Variants in PTPRR observed in about 807,000 individuals in gnomAD.
PTPRR encodes the protein receptor-type tyrosine-protein phosphatase R.
PTPRR carries 38 observed loss-of-function variants against 77.2 expected under a neutral mutation model. That is an observed-to-expected ratio of 0.49 (90% CI 0.38 to 0.65). The LOEUF (loss-of-function observed/expected upper bound fraction) is 0.65. Ranked by LOEUF, PTPRR falls within the 30% of genes least tolerant of loss-of-function variation. PTPRR has a pLI of 0.00. For synonymous variants in PTPRR, 299 were observed against 283.1 expected (o/e 1.06, Z -0.57); for missense variants, 744 against 799.2 (o/e 0.93, Z 0.83).
At chr12:70,747,220 C>T (rs1430745135) in intron 5 of PTPRR, among the ~76,000 whole-genome samples, 1 of 152,050 alleles carries the variant, frequency 6.6e-6, no homozygotes, top group African/African-American at 2.4e-5. Context: ...AAAACAAAAC[C>T]TGCACTAGAA....
chr12:70,660,468 T>G (rs2136672004), intron 12 of PTPRR, among the ~76,000 whole-genome samples: 1 of 152,280 alleles, frequency 6.6e-6, no homozygotes, highest in Non-Finnish European at 1.5e-5. Context: ...TTTCTGGAGA[T>G]AACTCTTAAA....
intron 4 of PTPRR, among the ~76,000 whole-genome samples, chr12:70,757,091 C>T (rs1444783966): frequency 6.6e-6 from 1 of 152,178 alleles, no homozygotes; most frequent in Admixed American, 6.5e-5. Flanking sequence ...GTCTCCTCAG[C>T]ACTGTATGGC....
intron 2 of PTPRR, among the ~76,000 whole-genome samples, chr12:70,771,439 G>C (rs1890974861): frequency 6.6e-6 from 1 of 152,054 alleles, no homozygotes; most frequent in Admixed American, 6.6e-5. Flanking sequence ...CTTAATGTGT[G>C]CTGTGCTCAC....
At chr12:70,665,197 C>G (rs1014220223) in intron 10 of PTPRR, among the ~76,000 whole-genome samples, 4 of 151,926 alleles carry the variant, frequency 2.6e-5, no homozygotes, top group African/African-American at 9.7e-5. Flanking sequence ...TCTATTAATT[C>G]TAAGAATCCA....
In PTPRR at chr12:70,664,952, T is replaced by C. The variant is rs542684373; in HGVS notation, c.1498-2347A>G. 1.8e-4 allele frequency among the ~76,000 whole-genome samples: 28 copies of C among 152,280 alleles called. No homozygotes were observed. In the South Asian group the frequency reaches 5.4e-3, roughly 29 times the overall value. On this transcript the variant is annotated intron_variant, in intron 10 of 13. Transcript: ENST00000283228. ...CTGCAAATGCAGTTGTTTCTAAGAG[T>C]ACAAGTTCATGTTCAAATTATTTTC...
At chr12:70,691,637 C>A (rs1888059802) in intron 8 of PTPRR, among the ~76,000 whole-genome samples, 1 of 152,184 alleles carries the variant, frequency 6.6e-6, no homozygotes, top group Non-Finnish European at 1.5e-5. Context: ...CTCCTCATGC[C>A]CTTCATGTGT....
At chr12:70,849,310 C>T (rs941083096) in intron 2 of PTPRR, among the ~76,000 whole-genome samples, 5 of 152,226 alleles carry the variant, frequency 3.3e-5, no homozygotes, top group African/African-American at 1.2e-4. Flanking sequence ...ATGAGAGTAG[C>T]TTTCCTGTTA....
chr12:70,732,424 A>G (rs924057152), intron 6 of PTPRR, among the ~76,000 whole-genome samples: 1 of 152,218 alleles, frequency 6.6e-6, no homozygotes, highest in African/African-American at 2.4e-5. Flanking sequence ...CCCCAGGTGC[A>G]GCGTGACATT....
Position 70,660,976 on chromosome 12 carries a change from G to C in PTPRR, c.1730C>G (p.Ala577Gly), listed in dbSNP as rs1886778068. ...LMLDVEEDRL[A>G]SQGRGPVVVH... is the part of the protein sequence containing the mutation. Reference sequence around the variant, plus strand: ...AACCACAGGCCCTCGGCCCTGGGAAGCAAGTCTGTCTTCTTCTACATCCAG... The same window carrying C: ...AACCACAGGCCCTCGGCCCTGGGAACCAAGTCTGTCTTCTTCTACATCCAG... The change falls in exon 12 of 14, where the codon GCT (alanine) becomes GGT (glycine). Residue 577 changes from alanine (A) to glycine (G), a missense_variant. Ala to Gly is a moderately conservative substitution (Grantham distance 60). This residue lies in a region of PTPRR where 170 missense variants were observed against 209.8 expected (regional missense o/e 0.81). Transcript: ENST00000283228. The C allele has an allele frequency of 1.2e-6, 2 of 1,613,778 alleles. No homozygotes were observed. The highest frequency in any genetic ancestry group is 1.7e-5 in the Admixed American group (1 of 59,976).
intron 12 of PTPRR, among the ~76,000 whole-genome samples, chr12:70,660,051 C>T (rs1008811848): frequency 1.3e-5 from 2 of 151,882 alleles, no homozygotes; most frequent in Non-Finnish European, 2.9e-5. Flanking sequence ...GTGGTGCATG[C>T]CTGTAATTCC....
At chr12:70,813,912 G>T (rs2137033200) in intron 2 of PTPRR, among the ~76,000 whole-genome samples, 1 of 152,286 alleles carries the variant, frequency 6.6e-6, no homozygotes, top group African/African-American at 2.4e-5. Flanking sequence ...TCCTGAGGCA[G>T]GGGGAATAAA....
intron 6 of PTPRR, among the ~76,000 whole-genome samples, chr12:70,728,528 A>ATATATAT (rs1889537220): frequency 1.2e-5 from 1 of 80,152 alleles, no homozygotes; most frequent in Non-Finnish European, 2.3e-5. Context: ...CCAAAATCTG[A>ATATATAT]ATATATATAT....
At chr12:70,669,502 G>GAGCTATATATATATATA (rs1476926326) in intron 10 of PTPRR, among the ~76,000 whole-genome samples, 1 of 122,638 alleles carries the variant, frequency 8.2e-6, no homozygotes, top group Non-Finnish European at 1.6e-5. Context: ...ATATATATAC[G>GAGCTATATATATATATA]AGCTATATAT....
chr12:70,665,474 C>T (rs1039747981), intron 10 of PTPRR, among the ~76,000 whole-genome samples: 3 of 139,318 alleles, frequency 2.2e-5, no homozygotes, highest in Non-Finnish European at 4.5e-5. Flanking sequence ...CTCCACCTCC[C>T]GGGTTCAAGC....
At chr12:70,774,596 T>C in intron 2 of PTPRR, among the ~76,000 whole-genome samples, 1 of 150,510 alleles carries the variant, frequency 6.6e-6, no homozygotes, top group East Asian at 1.9e-4. Context: ...ATTTGAATGA[T>C]TTTCCTCAGT....
intron 10 of PTPRR, among the ~76,000 whole-genome samples, chr12:70,667,581 G>C (rs538301201): frequency 6.6e-6 from 1 of 152,206 alleles, no homozygotes; most frequent in African/African-American, 2.4e-5. Flanking sequence ...AGGTGGCCTT[G>C]GTCATGCTTG....
intron 8 of PTPRR, among the ~76,000 whole-genome samples, chr12:70,690,991 A>C (rs1159018938): frequency 6.6e-6 from 1 of 152,160 alleles, no homozygotes; most frequent in Non-Finnish European, 1.5e-5. Flanking sequence ...GTGAATGTCT[A>C]CTGCACTGAT....
At chr12:70,652,684 A>G (rs1323327646) in intron 13 of PTPRR, among the ~76,000 whole-genome samples, 1 of 152,218 alleles carries the variant, frequency 6.6e-6, no homozygotes, top group Admixed American at 6.5e-5. Flanking sequence ...GACCTCTGGG[A>G]AGACCTTGGT....
At chr12:70,742,112 G>A (rs1171123581) in intron 6 of PTPRR, among the ~76,000 whole-genome samples, 2 of 152,136 alleles carry the variant, frequency 1.3e-5, no homozygotes, top group South Asian at 2.1e-4. Flanking sequence ...AAGAGATAAT[G>A]GACATTTTAG....
Sources: gnomAD v4.1 joint callset for allele counts (sites outside exome capture counted in the v4.1 genomes callset) on GRCh38, gnomAD v4.1.1 for gene constraint, gnomAD v4.1.1 regional missense constraint, MANE v1.5 for transcripts, NCBI Gene and HGNC (gene_info 2026-07-23, HGNC 2026-07-21) for gene names.